Variants in PLXDC2 observed in about 807,000 individuals in gnomAD.
PLXDC2 encodes the protein plexin domain containing 2, also known as plexin domain-containing protein 2.
In PLXDC2, 40 loss-of-function variants were observed where a neutral mutation model predicts 68.9. The observed-to-expected ratio is 0.58, with a 90% confidence interval of 0.45 to 0.76. PLXDC2 has a LOEUF of 0.76. Ranked by LOEUF, PLXDC2 falls within the 30% of genes least tolerant of loss-of-function variation. The pLI is 0.00. For synonymous variants in PLXDC2, 243 were observed against 234.2 expected (o/e 1.04, Z -0.34); for missense variants, 644 against 661.9 (o/e 0.97, Z 0.30).
At chr10:20,267,222 T>C (rs1835883328) in intron 13 of PLXDC2, among the ~76,000 whole-genome samples, 1 of 152,168 alleles carries the variant, frequency 6.6e-6, no homozygotes. Flanking sequence ...AATATTCGCC[T>C]TTTAAAAATT....
intron 1 of PLXDC2, among the ~76,000 whole-genome samples, chr10:19,947,151 C>A (rs1441824014): frequency 6.6e-6 from 1 of 152,108 alleles, no homozygotes; most frequent in Non-Finnish European, 1.5e-5. Flanking sequence ...CTAAAAAAAG[C>A]AAAGACAGCA....
intron 3 of PLXDC2, among the ~76,000 whole-genome samples, chr10:20,065,296 AG>A (rs1272784784): frequency 6.6e-6 from 1 of 152,174 alleles, no homozygotes; most frequent in Non-Finnish European, 1.5e-5. Context: ...TGAGGGCAAA[AG>A]TTGTCAAGTA....
At chr10:20,015,986 G>A (rs1448772669) in intron 2 of PLXDC2, among the ~76,000 whole-genome samples, 1 of 152,092 alleles carries the variant, frequency 6.6e-6, no homozygotes, top group Non-Finnish European at 1.5e-5. Context: ...CACCATTATG[G>A]CAAAGCCATC....
intron 4 of PLXDC2, among the ~76,000 whole-genome samples, chr10:20,135,514 T>C (rs1833922379): frequency 1.3e-5 from 2 of 152,184 alleles, no homozygotes; most frequent in Non-Finnish European, 2.9e-5. Context: ...AACAATTTTG[T>C]TGTTAGTTCA....
intron 9 of PLXDC2, among the ~76,000 whole-genome samples, chr10:20,205,228 C>T (rs1834975474): frequency 6.6e-6 from 1 of 151,860 alleles, no homozygotes; most frequent in Non-Finnish European, 1.5e-5. Flanking sequence ...TAGTATGTTC[C>T]CTGGGGGCTT....
chr10:20,202,977 T>A (rs1834941026), intron 9 of PLXDC2, among the ~76,000 whole-genome samples: 1 of 152,122 alleles, frequency 6.6e-6, no homozygotes, highest in South Asian at 2.1e-4. Flanking sequence ...AATGCACAAA[T>A]GAGGACATTT....
intron 4 of PLXDC2, among the ~76,000 whole-genome samples, chr10:20,070,473 A>G (rs1191884057): frequency 6.6e-6 from 1 of 152,200 alleles, no homozygotes; most frequent in Non-Finnish European, 1.5e-5. Flanking sequence ...ATAAAAAGGA[A>G]TATATCTAAA....
chr10:20,006,563 C>T (rs1835031764), intron 2 of PLXDC2, among the ~76,000 whole-genome samples: 1 of 151,988 alleles, frequency 6.6e-6, no homozygotes, highest in South Asian at 2.1e-4. Flanking sequence ...ACTTTATGTT[C>T]TACTTTAACT....
chr10:19,923,087 C>A (rs1021916415), intron 1 of PLXDC2, among the ~76,000 whole-genome samples: 18 of 152,138 alleles, frequency 1.2e-4, no homozygotes, highest in Admixed American at 2.0e-4. Flanking sequence ...TCTCTTAAGT[C>A]ATTTTATAAG....
chr10:19,928,351 G>A (rs947783568), intron 1 of PLXDC2, among the ~76,000 whole-genome samples: 4 of 152,178 alleles, frequency 2.6e-5, no homozygotes, highest in Non-Finnish European at 5.9e-5. Context: ...GTCTGGGGGA[G>A]AAAGTTGGGA....
At chr10:19,950,462 G>T (rs527415895) in intron 1 of PLXDC2, among the ~76,000 whole-genome samples, 1 of 152,264 alleles carries the variant, frequency 6.6e-6, no homozygotes, top group Non-Finnish European at 1.5e-5. Context: ...GGAGGTGAAA[G>T]ATCTCTACAA....
intron 12 of PLXDC2, among the ~76,000 whole-genome samples, chr10:20,233,685 T>C (rs1331459691): frequency 6.6e-6 from 1 of 152,216 alleles, no homozygotes; most frequent in Non-Finnish European, 1.5e-5. Flanking sequence ...ATCACCCTGC[T>C]GTCCTGCCAG....
intron 4 of PLXDC2, among the ~76,000 whole-genome samples, chr10:20,072,519 G>GAAAGAAAGAAAT (rs1242435477): frequency 1.0e-5 from 1 of 100,148 alleles, no homozygotes; most frequent in Non-Finnish European, 1.7e-5. Context: ...AAGAAAGAAA[G>GAAAGAAAGAAAT]AAAGAAAGAA....
At chr10:20,059,679 C>T (rs1836064315) in intron 3 of PLXDC2, among the ~76,000 whole-genome samples, 1 of 152,134 alleles carries the variant, frequency 6.6e-6, no homozygotes, top group South Asian at 2.1e-4. Flanking sequence ...TTTCCATGGA[C>T]ATTTTGATCT....
At chr10:20,199,409 A>G (rs1834887773) in intron 9 of PLXDC2, among the ~76,000 whole-genome samples, 1 of 151,982 alleles carries the variant, frequency 6.6e-6, no homozygotes, top group Admixed American at 6.6e-5. Flanking sequence ...CTAGTTGCAG[A>G]AAAAAGAAAC....
At chr10:20,129,664 T>C (rs190563205) in intron 4 of PLXDC2, among the ~76,000 whole-genome samples, 195 of 152,200 alleles carry the variant, frequency 1.3e-3, no homozygotes, top group Non-Finnish European at 1.9e-3. Context: ...TTTAAGCCTT[T>C]AGTCTACTTT....
intron 4 of PLXDC2, among the ~76,000 whole-genome samples, chr10:20,117,346 C>G (rs554635909): frequency 1.3e-5 from 2 of 152,282 alleles, no homozygotes; most frequent in African/African-American, 4.8e-5. Context: ...TCCTCTCAAA[C>G]CGACTTATAA....
intron 13 of PLXDC2, among the ~76,000 whole-genome samples, chr10:20,265,272 C>G (rs1298972857): frequency 6.6e-6 from 1 of 152,182 alleles, no homozygotes; most frequent in Admixed American, 6.5e-5. Flanking sequence ...AACAAAATGA[C>G]CAGAAAGACA....
chr10:20,135,376 T>A (rs1027062936), intron 4 of PLXDC2, among the ~76,000 whole-genome samples: 1 of 152,116 alleles, frequency 6.6e-6, no homozygotes, highest in East Asian at 1.9e-4. Context: ...TCCTAGATAA[T>A]CCGAAGCATT....
Sources: gnomAD v4.1 joint callset for allele counts (sites outside exome capture counted in the v4.1 genomes callset) on GRCh38, gnomAD v4.1.1 for gene constraint, MANE v1.5 for transcripts, NCBI Gene and HGNC (gene_info 2026-07-23, HGNC 2026-07-21) for gene names.